Variants in POU6F2 observed in about 807,000 individuals in gnomAD.
POU6F2 encodes the protein POU class 6 homeobox 2, also known as POU domain, class 6, transcription factor 2.
Under a neutral mutation model 71.3 loss-of-function variants are expected in POU6F2, and 31 were observed. The ratio of observed to expected loss-of-function variants is 0.43; its 90% CI spans 0.33 to 0.59. POU6F2 has a LOEUF of 0.59. Among genes scored for constraint, POU6F2 ranks in the 20% least tolerant of loss-of-function variants. The pLI is 0.04. For missense variants in POU6F2, 783 were observed against 856.8 expected (o/e 0.91, Z 1.07); for synonymous variants, 347 against 355.7 (o/e 0.98, Z 0.27).
intron 4 of POU6F2, among the ~76,000 whole-genome samples, chr7:39,237,582 G>A (rs1794696569): frequency 1.3e-5 from 2 of 152,028 alleles, no homozygotes; most frequent in Admixed American, 6.6e-5. Context: ...TAAGAGCTAT[G>A]GACACTTGTA....
rs953668906 is a variant in POU6F2, at chr7:39,394,368, A to G, written c.973-12232A>G. ...GAAATTATTTTATAACTTGATGACT[A>G]CCAATTGTTATTGTTTCCTGGGCTG... is the stretch of plus-strand genomic sequence containing the variant. On this transcript the variant is annotated intron_variant, in intron 5 of 9. Coordinates refer to ENST00000518318, the MANE Select transcript of POU6F2 (RefSeq NM_001370959.1). Among the ~76,000 whole-genome samples, 5 of 152,216 alleles carry G rather than the reference A, an allele frequency of 3.3e-5. 1 individual carries two copies. The highest frequency in any genetic ancestry group is 7.2e-5 in the African/African-American group (3 of 41,450).
At chr7:39,281,957 G>A (rs1212315871) in intron 4 of POU6F2, among the ~76,000 whole-genome samples, 2 of 151,596 alleles carry the variant, frequency 1.3e-5, no homozygotes, top group South Asian at 2.1e-4. Context: ...ACATGATCAT[G>A]AGCATTCATT....
In POU6F2 at chr7:39,012,710, A is replaced by C. The variant is rs942548758; in HGVS notation, c.105+34652A>C. On this transcript the variant is annotated intron_variant, in intron 1 of 9. Coordinates refer to ENST00000518318, the MANE Select transcript of POU6F2 (RefSeq NM_001370959.1). ...ATGTACAGATGGGTTTTTGGTGTGGATGTCCTTTCTGTTTGTTAGTTTTCC... is the reference window on the plus strand; with the variant it reads ...ATGTACAGATGGGTTTTTGGTGTGGCTGTCCTTTCTGTTTGTTAGTTTTCC... 2.6e-5 allele frequency among the ~76,000 whole-genome samples: 4 copies of C among 152,012 alleles called. No homozygotes were observed. In the East Asian group the frequency reaches 5.8e-4, roughly 22 times the overall value.
intron 6 of POU6F2, among the ~76,000 whole-genome samples, chr7:39,427,161 C>G (rs1787991279): frequency 6.6e-6 from 1 of 152,160 alleles, no homozygotes; most frequent in Admixed American, 6.5e-5. Context: ...TTATTGAACA[C>G]TTATTTGGCT....
At chr7:39,261,652 A>T (rs1218617062) in intron 4 of POU6F2, among the ~76,000 whole-genome samples, 1 of 152,180 alleles carries the variant, frequency 6.6e-6, no homozygotes. Context: ...CGGGATTTGA[A>T]CTTGGACCTG....
chr7:39,202,113 C>A (rs1793918035), intron 2 of POU6F2, among the ~76,000 whole-genome samples: 1 of 152,212 alleles, frequency 6.6e-6, no homozygotes, highest in Non-Finnish European at 1.5e-5. Context: ...AGCTACTGAG[C>A]ACCAGCTAGG....
At chr7:39,291,015 GAAAAA>G (rs35704977) in intron 4 of POU6F2, among the ~76,000 whole-genome samples, 9 of 122,384 alleles carry the variant, frequency 7.4e-5, no homozygotes, top group African/African-American at 1.6e-4. Flanking sequence ...AAAGAGGACA[GAAAAA>G]AAAAAAAAAA....
intron 5 of POU6F2, among the ~76,000 whole-genome samples, chr7:39,369,842 C>T (rs1003592418): frequency 1.3e-5 from 2 of 148,340 alleles, no homozygotes; most frequent in Non-Finnish European, 3.0e-5. Flanking sequence ...CACCACCACT[C>T]GCAGCATTTT....
intron 7 of POU6F2, among the ~76,000 whole-genome samples, chr7:39,440,682 C>T (rs112987222): frequency 0.092 from 14,057 of 152,216 alleles, 897 homozygotes; most frequent in Middle Eastern, 0.15. Flanking sequence ...ATACTTCTGT[C>T]AATTAGTTCA....
intron 4 of POU6F2, among the ~76,000 whole-genome samples, chr7:39,271,498 A>G (rs1356877091): frequency 1.1e-4 from 5 of 43,652 alleles, no homozygotes; most frequent in South Asian, 7.8e-4. Context: ...ATCAGTGAAA[A>G]AAAAAAAAAA....
At chr7:39,449,009 C>A (rs1319291374) in intron 7 of POU6F2, among the ~76,000 whole-genome samples, 1 of 152,202 alleles carries the variant, frequency 6.6e-6, no homozygotes, top group Admixed American at 6.5e-5. Context: ...TGGCTAATTA[C>A]CTTTGGCAGA....
chr7:39,185,862 TA>T, intron 2 of POU6F2, among the ~76,000 whole-genome samples: 2 of 148,672 alleles, frequency 1.3e-5, no homozygotes, highest in African/African-American at 4.9e-5. Flanking sequence ...TATGTGTATA[TA>T]TGTATATATG....
At chr7:39,217,337 G>A (rs1423695687) in intron 4 of POU6F2, among the ~76,000 whole-genome samples, 2 of 152,014 alleles carry the variant, frequency 1.3e-5, no homozygotes, top group Non-Finnish European at 1.5e-5. Flanking sequence ...CAGGGAGTGG[G>A]TGGGTGGGGA....
At chr7:39,233,832 T>A (rs1296185418) in intron 4 of POU6F2, among the ~76,000 whole-genome samples, 6 of 152,224 alleles carry the variant, frequency 3.9e-5, no homozygotes, top group African/African-American at 1.4e-4. Flanking sequence ...ACTTTAATTA[T>A]ATCAATCCAT....
At chr7:39,311,194 A>T (rs1389439146) in intron 4 of POU6F2, among the ~76,000 whole-genome samples, 1 of 152,042 alleles carries the variant, frequency 6.6e-6, no homozygotes, top group African/African-American at 2.4e-5. Context: ...ATAAGGAAAA[A>T]AAAAGTTCAA....
At chr7:39,378,355 C>T (rs1786751770) in intron 5 of POU6F2, among the ~76,000 whole-genome samples, 1 of 152,178 alleles carries the variant, frequency 6.6e-6, no homozygotes, top group South Asian at 2.1e-4. Context: ...TCCCATCCTT[C>T]CTTATCCATG....
At chr7:38,998,768 G>T (rs1490191623) in intron 1 of POU6F2, among the ~76,000 whole-genome samples, 1 of 149,578 alleles carries the variant, frequency 6.7e-6, no homozygotes, top group Non-Finnish European at 1.5e-5. Context: ...TCCTGCCTAA[G>T]CCTCCCAAGT....
At chr7:39,092,631 G>A (rs920205070) in intron 2 of POU6F2, among the ~76,000 whole-genome samples, 1 of 151,916 alleles carries the variant, frequency 6.6e-6, no homozygotes, top group East Asian at 1.9e-4. Flanking sequence ...ACAATATGGG[G>A]GCTTCTGATG....
intron 8 of POU6F2, among the ~76,000 whole-genome samples, chr7:39,451,967 T>G (rs1043491951): frequency 2.6e-5 from 4 of 152,214 alleles, no homozygotes; most frequent in African/African-American, 9.6e-5. Flanking sequence ...GTTGCTGATG[T>G]GCTGAGTCAG....
Sources: gnomAD v4.1 joint callset for allele counts (sites outside exome capture counted in the v4.1 genomes callset) on GRCh38, gnomAD v4.1.1 for gene constraint, MANE v1.5 for transcripts, NCBI Gene and HGNC (gene_info 2026-07-23, HGNC 2026-07-21) for gene names.